The following USP25 variants were observed in gnomAD, a reference collection of about 807,000 sequenced individuals.
The protein encoded by USP25 is ubiquitin specific peptidase 25.
In USP25, 85 loss-of-function variants were observed where a neutral mutation model predicts 158.5. That is an observed-to-expected ratio of 0.54 (90% CI 0.45 to 0.64). The LOEUF (loss-of-function observed/expected upper bound fraction) is 0.64, where lower values mean the gene tolerates loss of function less well. Among genes scored for constraint, USP25 ranks in the 30% least tolerant of loss-of-function variants. The pLI, the probability that USP25 is intolerant of heterozygous loss-of-function variation, is 0.00. For missense variants in USP25, 1,242 were observed against 1,327.3 expected (o/e 0.94, Z 1.00); for synonymous variants, 464 against 460.4 (o/e 1.01, Z -0.10).
intron 4 of USP25, among the ~76,000 whole-genome samples, chr21:15,785,883 A>G (rs2035241808): frequency 6.6e-6 from 1 of 150,676 alleles, no homozygotes; most frequent in Non-Finnish European, 1.5e-5. Flanking sequence ...GAAGATAAAC[A>G]GAATCAACAA....
At position 15,730,378 on chromosome 21, in the gene USP25, C is replaced by A; in HGVS notation, c.-16C>A. On this transcript the variant is annotated 5_prime_UTR_variant, in exon 1 of 26. Coordinates refer to ENST00000400183, the MANE Select transcript of USP25 (RefSeq NM_001283041.3). ...CGGGCGCCACCGCCGCCGCCGCCGC[C>A]GCCGCCGCGGGGGCCATGACCGTGG... 8.1e-7 allele frequency: 1 copy of A among 1,237,752 alleles called. No individual in the cohort carries two copies. The highest frequency in any genetic ancestry group is 1.0e-6 in the Non-Finnish European group (1 of 987,534). 76.7% of individuals were successfully genotyped at this position (1,237,752 alleles called of 1,614,324 possible). A position where few individuals can be genotyped will look rare whatever the true frequency, so the allele number is the denominator to read the frequency against.
intron 3 of USP25, among the ~76,000 whole-genome samples, chr21:15,774,509 A>T (rs2034531027): frequency 6.6e-6 from 1 of 152,074 alleles, no homozygotes; most frequent in African/African-American, 2.4e-5. Flanking sequence ...TCCAGACAAC[A>T]TCTGCCAAAT....
intron 23 of USP25, among the ~76,000 whole-genome samples, chr21:15,873,277 ATT>A (rs202104022): frequency 7.0e-6 from 1 of 143,880 alleles, no homozygotes; most frequent in South Asian, 2.2e-4. Context: ...TGCCCAGCTA[ATT>A]TTTTTTTTTT....
chr21:15,756,814 G>C (rs981036634), intron 1 of USP25, among the ~76,000 whole-genome samples: 3 of 152,074 alleles, frequency 2.0e-5, no homozygotes, highest in Non-Finnish European at 2.9e-5. Flanking sequence ...TTTGGACGTT[G>C]CATCTTGCCC....
At position 15,791,603 on chromosome 21, in the gene USP25, A is replaced by G. The variant is rs2035595570; in HGVS notation, c.494A>G (p.Asp165Gly). Residue 165 changes from aspartate to glycine, a missense_variant, in exon 5 of 26, where the codon GAC becomes GGC. Transcript: ENST00000400183. ...SRNPYDRKRQ[D>G]KAPVGLKNVG... ...AACCCTTATGATAGAAAAAGACAGG[A>G]CAAAGCTCCCGTTGGGCTAAAGAAT... is the stretch of plus-strand genomic sequence containing the variant. 1 of 1,611,646 alleles carries G rather than the reference A, an allele frequency of 6.2e-7. No homozygotes were observed. The highest frequency in any genetic ancestry group is 8.5e-7 in the Non-Finnish European group (1 of 1,178,380).
intron 1 of USP25, among the ~76,000 whole-genome samples, chr21:15,733,839 G>A (rs929606390): frequency 1.3e-5 from 2 of 151,956 alleles, no homozygotes; most frequent in African/African-American, 4.8e-5. Context: ...AAGACTCCAT[G>A]TCAAAAAAAC....
intron 20 of USP25, among the ~76,000 whole-genome samples, chr21:15,863,717 G>T (rs1419674391): frequency 1.3e-5 from 2 of 152,186 alleles, no homozygotes; most frequent in Non-Finnish European, 2.9e-5. Flanking sequence ...GAAGCAAAAA[G>T]AACGTTTATA....
intron 1 of USP25, among the ~76,000 whole-genome samples, chr21:15,760,868 G>T (rs2033682252): frequency 6.6e-6 from 1 of 152,014 alleles, no homozygotes; most frequent in South Asian, 2.1e-4. Context: ...TACTATACTG[G>T]AGTTATCAAA....
chr21:15,861,236 G>T (rs1010737536), intron 20 of USP25, among the ~76,000 whole-genome samples: 1 of 152,080 alleles, frequency 6.6e-6, no homozygotes, highest in East Asian at 1.9e-4. Flanking sequence ...GTGTGCATTT[G>T]TGAGGAGACA....
chr21:15,824,263 A>C, intron 11 of USP25, 97 bp downstream of exon 11: 1 of 1,461,326 alleles, frequency 6.8e-7, no homozygotes, highest in Non-Finnish European at 9.2e-7. Context: ...CTTAGAATTA[A>C]TTTCTACTTT....
intron 5 of USP25, among the ~76,000 whole-genome samples, chr21:15,793,888 T>C (rs1462728355): frequency 6.6e-6 from 1 of 151,786 alleles, no homozygotes; most frequent in Non-Finnish European, 1.5e-5. Flanking sequence ...TCTACCATTA[T>C]TGCTTAACTC....
chr21:15,809,488 C>T (rs1448124364), intron 8 of USP25, among the ~76,000 whole-genome samples: 1 of 152,056 alleles, frequency 6.6e-6, no homozygotes, highest in Non-Finnish European at 1.5e-5. Context: ...CCCTACTGAC[C>T]CAAGAAAATA....
intron 2 of USP25, among the ~76,000 whole-genome samples, chr21:15,763,170 C>G (rs2033836177): frequency 6.6e-6 from 1 of 152,008 alleles, no homozygotes; most frequent in Non-Finnish European, 1.5e-5. Context: ...GTCCATGATA[C>G]CTTAGAGTGA....
At chr21:15,737,407 T>G (rs1351783428) in intron 1 of USP25, among the ~76,000 whole-genome samples, 1 of 152,144 alleles carries the variant, frequency 6.6e-6, no homozygotes, top group African/African-American at 2.4e-5. Context: ...TTTGTTAAAT[T>G]GCTTATTTTA....
chr21:15,736,085 G>T (rs951983433), intron 1 of USP25, among the ~76,000 whole-genome samples: 2 of 150,886 alleles, frequency 1.3e-5, no homozygotes, highest in Admixed American at 6.6e-5. Context: ...GTGTTTGCCA[G>T]ATGCTGATCT....
At chr21:15,740,532 T>A (rs919312334) in intron 1 of USP25, among the ~76,000 whole-genome samples, 7 of 151,810 alleles carry the variant, frequency 4.6e-5, no homozygotes, top group Non-Finnish European at 1.0e-4. Flanking sequence ...CTAGGTGGGA[T>A]ACTTGCCCCT....
At chr21:15,753,872 T>C (rs1056242835) in intron 1 of USP25, among the ~76,000 whole-genome samples, 7 of 152,050 alleles carry the variant, frequency 4.6e-5, no homozygotes, top group Non-Finnish European at 1.0e-4. Context: ...TTGAAGCTTA[T>C]GTAGCATCCA....
chr21:15,856,483 T>C (rs181574378), intron 20 of USP25, among the ~76,000 whole-genome samples: 25 of 152,170 alleles, frequency 1.6e-4, no homozygotes, highest in African/African-American at 5.1e-4. Context: ...TTTTTCTTTT[T>C]TTTTTTGAGA....
Position 15,765,994 on chromosome 21 carries a change from A to C in USP25, c.124-3A>C. The stretch of plus-strand genomic sequence containing the variant: ...CTTGATACTCCTTTCTTGATATTTG[A>C]AGGATAGTAATGGAAACTTGGAATT... On this transcript the variant is annotated splice_region_variant and splice_polypyrimidine_tract_variant and intron_variant, in intron 2 of 25. Coordinates refer to ENST00000400183, the MANE Select transcript of USP25 (RefSeq NM_001283041.3). 1 of 1,597,878 alleles carries C rather than the reference A, an allele frequency of 6.3e-7. No individual in the cohort carries two copies. The highest frequency in any genetic ancestry group is 8.5e-7 in the Non-Finnish European group (1 of 1,174,038).
Sources: allele counts gnomAD v4.1 joint callset (sites outside exome capture counted in the v4.1 genomes callset), GRCh38; gene constraint gnomAD v4.1.1; transcripts MANE v1.5; gene names NCBI Gene and HGNC (gene_info 2026-07-23, HGNC 2026-07-21).